NAV3: variants seen among roughly 807,000 people sequenced by gnomAD.
NAV3 encodes the protein neuron navigator 3.
In NAV3, 87 loss-of-function variants were observed where a neutral mutation model predicts 244.7. The observed-to-expected ratio is 0.36, with a 90% confidence interval of 0.30 to 0.42. The LOEUF is 0.42. Ranked by LOEUF, NAV3 falls within the 20% of genes least tolerant of loss-of-function variation. The pLI is 1.00. For missense variants in NAV3, 2,663 were observed against 2,893.3 expected (o/e 0.92, Z 1.83); for synonymous variants, 1,126 against 1,042.2 (o/e 1.08, Z -1.55).
At chr12:77,687,335 A>G (rs935136330) in intron 2 of NAV3, among the ~76,000 whole-genome samples, 1 of 151,840 alleles carries the variant, frequency 6.6e-6, no homozygotes, top group Non-Finnish European at 1.5e-5. Context: ...CTATGTGTGC[A>G]TGTATAAGAA....
chr12:77,726,618 G>A (rs1043178053), intron 2 of NAV3, among the ~76,000 whole-genome samples: 8 of 151,918 alleles, frequency 5.3e-5, no homozygotes, highest in Admixed American at 5.3e-4. Flanking sequence ...GTCAGGCATG[G>A]TTTCCTAATA....
intron 2 of NAV3, among the ~76,000 whole-genome samples, chr12:77,683,555 A>C (rs1417376387): frequency 6.6e-6 from 1 of 152,140 alleles, no homozygotes; most frequent in Non-Finnish European, 1.5e-5. Context: ...TATTTCCGTG[A>C]AAAATGTCAT....
intron 9 of NAV3, among the ~76,000 whole-genome samples, chr12:78,026,684 A>C (rs2136900001): frequency 6.6e-6 from 1 of 152,290 alleles, no homozygotes; most frequent in South Asian, 2.1e-4. Context: ...GTACTAAGAT[A>C]CCCTAGAATA....
intron 2 of NAV3, among the ~76,000 whole-genome samples, chr12:77,741,486 A>G (rs1176596313): frequency 6.6e-6 from 1 of 152,076 alleles, no homozygotes; most frequent in Non-Finnish European, 1.5e-5. Flanking sequence ...ATATCTTGAC[A>G]ACAGTTAGAC....
intron 34 of NAV3, among the ~76,000 whole-genome samples, chr12:78,193,866 C>T (rs1959088060): frequency 6.6e-6 from 1 of 152,050 alleles, no homozygotes. Context: ...CAGTGACCTG[C>T]TAATTACAAA....
intron 1 of NAV3, among the ~76,000 whole-genome samples, chr12:77,863,394 T>C (rs1879539203): frequency 6.6e-6 from 1 of 151,854 alleles, no homozygotes; most frequent in South Asian, 2.1e-4. Context: ...CCAGATATTT[T>C]TGGTCACTTA....
chr12:77,917,525 G>A (rs1887268408), intron 1 of NAV3, among the ~76,000 whole-genome samples: 1 of 152,012 alleles, frequency 6.6e-6, no homozygotes, highest in Admixed American at 6.6e-5. Flanking sequence ...ATAGCAATAT[G>A]TCTAATGTTT....
chr12:78,160,609 T>C (rs963436620), intron 23 of NAV3, among the ~76,000 whole-genome samples: 5 of 152,160 alleles, frequency 3.3e-5, no homozygotes, highest in African/African-American at 1.2e-4. Context: ...AAAAGTAGTA[T>C]GTATTACCAA....
At chr12:77,850,926 C>T (rs1877416704) in intron 1 of NAV3, among the ~76,000 whole-genome samples, 1 of 152,206 alleles carries the variant, frequency 6.6e-6, no homozygotes, top group Non-Finnish European at 1.5e-5. Flanking sequence ...TCATATTCTG[C>T]ACCTGTCCTG....
At chr12:77,956,901 C>G (rs1326981221) in intron 3 of NAV3, among the ~76,000 whole-genome samples, 1 of 152,084 alleles carries the variant, frequency 6.6e-6, no homozygotes, top group South Asian at 2.1e-4. Context: ...TGCGACCACA[C>G]CCAGCTGATT....
intron 2 of NAV3, among the ~76,000 whole-genome samples, chr12:77,755,407 A>G (rs1869085037): frequency 1.3e-5 from 2 of 152,134 alleles, no homozygotes. Flanking sequence ...ACCAGGGAGC[A>G]CAAAGCCCTC....
At chr12:78,074,123 C>T (rs1287206159) in intron 12 of NAV3, among the ~76,000 whole-genome samples, 1 of 152,146 alleles carries the variant, frequency 6.6e-6, no homozygotes, top group African/African-American at 2.4e-5. Flanking sequence ...AGCAGGCCCA[C>T]AAAAGCACTG....
intron 24 of NAV3, 94 bp downstream of exon 24, chr12:78,168,960 T>A (rs1399826763): frequency 1.3e-6 from 1 of 761,892 alleles, no homozygotes; most frequent in East Asian, 2.7e-5. Context: ...AGTGTCACTG[T>A]GCATTATTAA....
intron 1 of NAV3, among the ~76,000 whole-genome samples, chr12:77,849,346 G>A (rs1877139830): frequency 6.6e-6 from 1 of 152,224 alleles, no homozygotes; most frequent in African/African-American, 2.4e-5. Flanking sequence ...CCTAGAGACT[G>A]TTCATGATTT....
chr12:77,703,552 A>G (rs1388229908), intron 2 of NAV3, among the ~76,000 whole-genome samples: 2 of 152,142 alleles, frequency 1.3e-5, no homozygotes, highest in Non-Finnish European at 2.9e-5. Flanking sequence ...GAATACGCTT[A>G]CTGAGTAATA....
At chr12:77,855,075 T>C (rs7138527) in intron 1 of NAV3, among the ~76,000 whole-genome samples, 106,441 of 151,926 alleles carry the variant, frequency 0.7, 39,691 homozygotes, top group East Asian at 0.87. Flanking sequence ...TGCAGTGAGC[T>C]GAGATCGCGC....
chr12:77,729,609 AAAC>A (rs751397380), intron 2 of NAV3, among the ~76,000 whole-genome samples: 1 of 152,066 alleles, frequency 6.6e-6, no homozygotes. Context: ...TGCAAGAAAT[AAAC>A]AACGTTTTAC....
intron 3 of NAV3, among the ~76,000 whole-genome samples, chr12:77,948,852 T>TATATATTTAAATTTTTTCA (rs1243073463): frequency 6.6e-6 from 1 of 151,874 alleles, no homozygotes. Flanking sequence ...TGTGATAGTT[T>TATATATTTAAATTTTTTCA]ATATATTTAA....
At chr12:77,599,713 G>A (rs1306292040) in intron 2 of NAV3, among the ~76,000 whole-genome samples, 2 of 151,532 alleles carry the variant, frequency 1.3e-5, no homozygotes, top group Middle Eastern at 3.4e-3. Flanking sequence ...AATTTATAAG[G>A]TTTCAATAAT....
Sources: gnomAD v4.1 joint callset for allele counts (sites outside exome capture counted in the v4.1 genomes callset) on GRCh38, gnomAD v4.1.1 for gene constraint, MANE v1.5 for transcripts, NCBI Gene and HGNC (gene_info 2026-07-23, HGNC 2026-07-21) for gene names.